Variants in PAK3 observed in about 807,000 individuals in gnomAD.
PAK3 encodes the protein serine/threonine-protein kinase PAK 3.
PAK3 carries 4 observed loss-of-function variants against 41.0 expected under a neutral mutation model. That is an observed-to-expected ratio of 0.10 (90% confidence interval 0.05 to 0.22). The LOEUF (loss-of-function observed/expected upper bound fraction) is 0.22, where lower values mean the gene tolerates loss of function less well. Among genes scored for constraint, PAK3 ranks in the 10% least tolerant of loss-of-function variants. PAK3 has a pLI of 1.00. For synonymous variants in PAK3, 146 were observed against 139.6 expected (o/e 1.05, Z -0.32); for missense variants, 205 against 409.9 (o/e 0.50, Z 4.32).
intron 11 of PAK3, among the ~76,000 whole-genome samples, chrX:111,184,185 C>T (rs1412929369): frequency 1.8e-5 from 2 of 111,380 alleles, no homozygotes; most frequent in African/African-American, 6.5e-5. Context: ...ATCATAAAAG[C>T]ATGTTCTTCC....
At chrX:110,957,824 C>T (rs1356612263) in intron 1 of PAK3, among the ~76,000 whole-genome samples, 2 of 111,599 alleles carry the variant, frequency 1.8e-5, no homozygotes, top group African/African-American at 3.3e-5. Context: ...TGTTGATTAC[C>T]TACTATATAC....
At position 111,068,735 on chromosome X, in the gene PAK3, C is replaced by A. The variant is rs769202228; in HGVS notation, c.-27-54342C>A. 8.9e-5 allele frequency among the ~76,000 whole-genome samples: 10 copies of A among 112,768 alleles called. No individual in the cohort carries two copies. In the South Asian group the frequency reaches 3.7e-3, roughly 41 times the overall value. The stretch of plus-strand genomic sequence containing the variant: ...ATGTTTTTCTCTGAATATTGCTTTA[C>A]CTGCATCTAACAGACTTGGATATAT... On this transcript the variant is annotated intron_variant, in intron 1 of 14. Transcript: ENST00000425146.
At chrX:111,134,329 A>G (rs1230894722) in intron 5 of PAK3, among the ~76,000 whole-genome samples, 2 of 112,092 alleles carry the variant, frequency 1.8e-5, no homozygotes, top group Non-Finnish European at 3.8e-5. Context: ...TACAAAAACA[A>G]CTGTAAAATA....
chrX:111,037,678 G>C (rs1245126923), intron 1 of PAK3, among the ~76,000 whole-genome samples: 3 of 111,508 alleles, frequency 2.7e-5, no homozygotes, highest in Non-Finnish European at 3.8e-5. Flanking sequence ...TAAAATTAAA[G>C]CATGCATGAA....
chrX:111,093,125 C>T (rs1211388662), upstream of PAK3, among the ~76,000 whole-genome samples: 2 of 111,794 alleles, frequency 1.8e-5, no homozygotes, highest in Non-Finnish European at 3.8e-5. Flanking sequence ...TTGGTAAAGA[C>T]CCAGAGAAGA....
chrX:110,956,654 T>A (rs774588622), intron 1 of PAK3, among the ~76,000 whole-genome samples: 1 of 111,470 alleles, frequency 9.0e-6, no homozygotes, highest in Non-Finnish European at 1.9e-5. Context: ...AAGCAGACCC[T>A]GCTTTACGAC....
chrX:111,165,164 T>A (rs144055003), intron 10 of PAK3, among the ~76,000 whole-genome samples: 1 of 111,768 alleles, frequency 8.9e-6, no homozygotes, highest in East Asian at 2.8e-4. Flanking sequence ...GGCATTTGAG[T>A]TAGATGCATT....
intron 1 of PAK3, among the ~76,000 whole-genome samples, chrX:110,946,045 A>C (rs2090612537): frequency 1.8e-5 from 2 of 111,680 alleles, no homozygotes; most frequent in African/African-American, 6.5e-5. Flanking sequence ...GCGTGTAAAC[A>C]GACAATTAGA....
chrX:111,080,878 C>T (rs1181135326), intron 1 of PAK3, among the ~76,000 whole-genome samples: 1 of 111,921 alleles, frequency 8.9e-6, no homozygotes, highest in Non-Finnish European at 1.9e-5. Flanking sequence ...AGTATATATA[C>T]ACTATGGAAT....
Position 111,147,832 on chromosome X carries a change from A to G in PAK3, c.372A>G (p.Lys124=), listed in dbSNP as rs2149114375. The change falls in exon 7 of 18, where the codon AAA becomes AAG. Residue 124 remains lysine, a synonymous_variant. Transcript: ENST00000372007. ...KNPQAVLDVL[K]FYDSKETVNN... ...CACAAGCTGTTCTAGATGTTCTCAA[A>G]TTCTATGATTCCAAAGAAACAGTCA... The G allele has an allele frequency of 8.4e-7, 1 of 1,183,635 alleles. No homozygotes were observed. The highest frequency in any genetic ancestry group is 3.0e-5 in the East Asian group (1 of 33,718).
chrX:111,168,449 G>A (rs1327315522), intron 10 of PAK3, among the ~76,000 whole-genome samples: 1 of 111,428 alleles, frequency 9.0e-6, no homozygotes, highest in Non-Finnish European at 1.9e-5. Context: ...CACTTTAAAA[G>A]CTTGTTTTGT....
At chrX:110,967,498 G>T (rs773755231) in intron 1 of PAK3, among the ~76,000 whole-genome samples, 18 of 111,318 alleles carry the variant, frequency 1.6e-4, no homozygotes, top group Non-Finnish European at 2.8e-4. Flanking sequence ...GCCTGGGTGA[G>T]GACTGTGCTG....
chrX:111,096,818 G>A (rs1444631864), intron 1 of PAK3: 1 of 92,381 alleles, frequency 1.1e-5, no homozygotes, highest in Non-Finnish European at 2.2e-5. Flanking sequence ...GAAAAGGGGA[G>A]GGGGTGTGGC....
intron 16 of PAK3, among the ~76,000 whole-genome samples, chrX:111,210,199 G>A (rs767519902): frequency 8.9e-6 from 1 of 111,934 alleles, no homozygotes; most frequent in South Asian, 3.8e-4. Context: ...CCTCACCTCA[G>A]GAAGAAAGCA....
At chrX:111,041,298 G>A (rs1374084716) in intron 1 of PAK3, among the ~76,000 whole-genome samples, 1 of 112,233 alleles carries the variant, frequency 8.9e-6, no homozygotes, top group Non-Finnish European at 1.9e-5. Flanking sequence ...GGCTTGGGAT[G>A]CAAAATTGCT....
At chrX:110,969,365 C>T (rs1176459432) in intron 1 of PAK3, among the ~76,000 whole-genome samples, 2 of 103,583 alleles carry the variant, frequency 1.9e-5, no homozygotes, top group Non-Finnish European at 3.9e-5. Flanking sequence ...CTCACTGCAA[C>T]TTCTACCGCC....
chrX:111,135,028 A>G (rs1478620037), intron 5 of PAK3, among the ~76,000 whole-genome samples: 3 of 111,218 alleles, frequency 2.7e-5, no homozygotes, highest in Non-Finnish European at 5.7e-5. Context: ...CAGGGCAATG[A>G]TATCAGATTT....
chrX:111,108,607 A>G (rs1300520175), intron 4 of PAK3, among the ~76,000 whole-genome samples: 1 of 112,584 alleles, frequency 8.9e-6, no homozygotes, highest in Admixed American at 9.3e-5. Context: ...TGAGAATCTG[A>G]TGCCTGATGA....
intron 1 of PAK3, among the ~76,000 whole-genome samples, chrX:110,976,030 A>T (rs772407007): frequency 8.9e-6 from 1 of 111,934 alleles, no homozygotes; most frequent in African/African-American, 3.2e-5. Context: ...TAGGCAATAC[A>T]ATTCAGGACA....
Sources: gnomAD v4.1 joint callset for allele counts (sites outside exome capture counted in the v4.1 genomes callset) on GRCh38, gnomAD v4.1.1 for gene constraint, MANE v1.5 for transcripts, NCBI Gene and HGNC (gene_info 2026-07-23, HGNC 2026-07-21) for gene names.